The following UBE3C variants were observed in gnomAD, a reference collection of about 807,000 sequenced individuals.
The protein encoded by UBE3C is ubiquitin protein ligase E3C.
A neutral mutation model predicts 129.4 loss-of-function variants in UBE3C; 42 were observed. The observed-to-expected ratio is 0.32, with a 90% CI of 0.25 to 0.42. The LOEUF is 0.42. Among genes scored for constraint, UBE3C ranks in the 10% least tolerant of loss-of-function variants. UBE3C has a pLI of 1.00. For synonymous variants in UBE3C, 510 were observed against 492.4 expected (o/e 1.04, Z -0.47); for missense variants, 1,049 against 1,319.1 (o/e 0.80, Z 3.17).
chr7:157,219,275 A>G (rs187537634), intron 14 of UBE3C, among the ~76,000 whole-genome samples: 3 of 152,330 alleles, frequency 2.0e-5, no homozygotes, highest in Non-Finnish European at 4.4e-5. Context: ...TGAACCCAGC[A>G]GTGTGCTTAG....
intron 10 of UBE3C, among the ~76,000 whole-genome samples, chr7:157,187,760 TAA>T (rs1808851984): frequency 1.3e-5 from 2 of 152,002 alleles, no homozygotes; most frequent in Admixed American, 1.3e-4. Context: ...GTATTTTTAG[TAA>T]AGACGGGGTT....
At chr7:157,143,400 A>G (rs1807513300) in intron 1 of UBE3C, among the ~76,000 whole-genome samples, 1 of 152,238 alleles carries the variant, frequency 6.6e-6, no homozygotes, top group South Asian at 2.1e-4. Context: ...CTGACAGAAT[A>G]GAAAGGTCAG....
intron 18 of UBE3C, among the ~76,000 whole-genome samples, chr7:157,241,922 A>T (rs1267733518): frequency 6.6e-6 from 1 of 152,192 alleles, no homozygotes; most frequent in African/African-American, 2.4e-5. Flanking sequence ...CACCAAAGAC[A>T]TGGTTCCATT....
intron 11 of UBE3C, 139 bp from the exon 12 acceptor site, chr7:157,207,259 C>T (rs558388926): frequency 3.5e-4 from 427 of 1,203,286 alleles, no homozygotes; most frequent in Non-Finnish European, 4.5e-4. Flanking sequence ...GTGACTTTAC[C>T]TTGCCTTTAA....
intron 1 of UBE3C, among the ~76,000 whole-genome samples, chr7:157,148,146 G>T (rs2116803053): frequency 6.6e-6 from 1 of 152,164 alleles, no homozygotes; most frequent in African/African-American, 2.4e-5. Context: ...GCCTAGGCTG[G>T]AGTGCCTGGA....
intron 22 of UBE3C, among the ~76,000 whole-genome samples, chr7:157,258,122 A>AT (rs1158214244): frequency 1.3e-5 from 2 of 151,532 alleles, no homozygotes; most frequent in African/African-American, 4.9e-5. Flanking sequence ...TGACATTTTG[A>AT]TTTTTTGTAG....
chr7:157,234,381 G>A (rs1214694282), intron 18 of UBE3C, among the ~76,000 whole-genome samples: 3 of 152,020 alleles, frequency 2.0e-5, no homozygotes, highest in African/African-American at 7.2e-5. Context: ...TCATATTCTT[G>A]GCACCCTTGT....
intron 11 of UBE3C, 65 bp downstream of exon 11, chr7:157,201,872 T>A: frequency 7.2e-7 from 1 of 1,390,856 alleles, no homozygotes; most frequent in Non-Finnish European, 1.0e-6. Flanking sequence ...TAATCAAAAA[T>A]GTTGCCAGAA....
chr7:157,208,306 C>A (rs1370704346), intron 13 of UBE3C, among the ~76,000 whole-genome samples: 1 of 151,894 alleles, frequency 6.6e-6, no homozygotes, highest in Non-Finnish European at 1.5e-5. Flanking sequence ...AAATTCCTGG[C>A]CTCATGGATT....
intron 14 of UBE3C, among the ~76,000 whole-genome samples, chr7:157,220,047 C>T (rs1189851649): frequency 2.0e-5 from 3 of 152,064 alleles, no homozygotes; most frequent in Non-Finnish European, 4.4e-5. Context: ...CCCATCTCTA[C>T]AAAAAGTACA....
chr7:157,187,380 G>GGT (rs1554427004), intron 10 of UBE3C, among the ~76,000 whole-genome samples: 1 of 131,864 alleles, frequency 7.6e-6, no homozygotes, highest in Non-Finnish European at 1.5e-5. Flanking sequence ...TGTTTTATGG[G>GGT]GTTTTTTTTT....
chr7:157,203,791 C>T lies in UBE3C; in HGVS notation c.1418+1984C>T, dbSNP rs147650334. 5.3e-3 allele frequency among the ~76,000 whole-genome samples: 804 copies of T among 152,210 alleles called. 1 individual carries two copies. The highest frequency in any genetic ancestry group is 8.5e-3 in the Non-Finnish European group (578 of 68,014). On this transcript the variant is annotated intron_variant, in intron 11 of 22. Transcript: ENST00000348165. ...TCAAGAAACTGACAGTGTATTAATG[C>T]GTTCCCAATACAGATACTCCTTGAG...
At chr7:157,229,396 C>T (rs1795961184) in intron 17 of UBE3C, among the ~76,000 whole-genome samples, 1 of 152,020 alleles carries the variant, frequency 6.6e-6, no homozygotes, top group Admixed American at 6.5e-5. Context: ...CTCACTGCAA[C>T]CTCCACCTCC....
At chr7:157,259,827 A>AG (rs1346833071) in intron 22 of UBE3C, among the ~76,000 whole-genome samples, 1 of 152,164 alleles carries the variant, frequency 6.6e-6, no homozygotes, top group Non-Finnish European at 1.5e-5. Context: ...GTACATTTAA[A>AG]GGGATAATCT....
At chr7:157,253,868 T>G (rs1458054212) in intron 19 of UBE3C, 86 bp from the exon 20 acceptor site, 1 of 1,304,124 alleles carries the variant, frequency 7.7e-7, no homozygotes, top group African/African-American at 1.5e-5. Flanking sequence ...AAGTCCTATT[T>G]CCTTAAAACA....
At chr7:157,235,236 T>C (rs907155261) in intron 18 of UBE3C, among the ~76,000 whole-genome samples, 4 of 152,126 alleles carry the variant, frequency 2.6e-5, no homozygotes, top group African/African-American at 7.2e-5. Flanking sequence ...ATGAAATCCC[T>C]TAGTTCTTTC....
At chr7:157,252,958 C>T (rs1345443356) in intron 19 of UBE3C, among the ~76,000 whole-genome samples, 1 of 152,148 alleles carries the variant, frequency 6.6e-6, no homozygotes, top group Non-Finnish European at 1.5e-5. Flanking sequence ...TCTCAAACTC[C>T]TGGGCTTAAG....
chr7:157,239,205 T>C (rs1796231509), intron 18 of UBE3C, among the ~76,000 whole-genome samples: 1 of 152,204 alleles, frequency 6.6e-6, no homozygotes, highest in Admixed American at 6.5e-5. Context: ...ACTACAAAAA[T>C]GTCCTTCGAA....
intron 10 of UBE3C, among the ~76,000 whole-genome samples, chr7:157,195,817 C>T (rs540952428): frequency 1.7e-4 from 26 of 152,028 alleles, no homozygotes; most frequent in Non-Finnish European, 3.7e-4. Context: ...CTATGAGTGA[C>T]GTAAATTTAT....
Sources: allele counts gnomAD v4.1 joint callset (sites outside exome capture counted in the v4.1 genomes callset), GRCh38; gene constraint gnomAD v4.1.1; transcripts MANE v1.5; gene names NCBI Gene and HGNC (gene_info 2026-07-23, HGNC 2026-07-21).